CELF5: variants seen among roughly 807,000 people sequenced by gnomAD.
CELF5 encodes CUGBP Elav-like family member 5, also known as CUG-BP and ETR-3 like factor 5.
In CELF5, 6 loss-of-function variants were observed where a neutral mutation model predicts 54.9. The observed-to-expected ratio is 0.11, with a 90% confidence interval of 0.06 to 0.22. CELF5 has a LOEUF of 0.22. CELF5 is among the 10% of genes least tolerant of loss of function. CELF5 has a pLI of 1.00. For synonymous variants in CELF5, 271 were observed against 290.9 expected (o/e 0.93, Z 0.70); for missense variants, 401 against 678.6 (o/e 0.59, Z 4.54).
intron 4 of CELF5, among the ~76,000 whole-genome samples, chr19:3,277,444 C>A (rs1012004917): frequency 6.6e-6 from 1 of 152,190 alleles, no homozygotes. Flanking sequence ...TGCACTCTAG[C>A]CTGGGTGACG....
chr19:3,286,886 T>A (rs1195899663), intron 10 of CELF5: 3 of 150,432 alleles, frequency 2.0e-5, no homozygotes, highest in Admixed American at 1.3e-4. Context: ...ATAGAAAAAA[T>A]TAGCTGGGTG....
At chr19:3,286,210 C>T (rs966563626) in intron 10 of CELF5, 185 bp downstream of exon 10, 1 of 520,746 alleles carries the variant, frequency 1.9e-6, no homozygotes, top group African/African-American at 2.0e-5. Context: ...CTCTCTGTTT[C>T]CTCCTCCGAA....
intron 2 of CELF5, among the ~76,000 whole-genome samples, chr19:3,259,032 A>G (rs549834925): frequency 1.3e-5 from 2 of 152,226 alleles, no homozygotes; most frequent in African/African-American, 4.8e-5. Flanking sequence ...GCCTGCGTGG[A>G]CGATTTAGTG....
At chr19:3,249,813 T>C (rs2079623344) in intron 1 of CELF5, among the ~76,000 whole-genome samples, 1 of 152,234 alleles carries the variant, frequency 6.6e-6, no homozygotes, top group Non-Finnish European at 1.5e-5. Context: ...GCTACACTGC[T>C]GGTCAGTGGC....
intron 1 of CELF5, among the ~76,000 whole-genome samples, chr19:3,241,141 A>G (rs2079485269): frequency 6.7e-6 from 1 of 148,928 alleles, no homozygotes; most frequent in Non-Finnish European, 1.5e-5. Context: ...GGCTCACTGC[A>G]CCCACCAACT....
At chr19:3,256,964 C>T (rs77289609) in intron 2 of CELF5, among the ~76,000 whole-genome samples, 243 of 152,180 alleles carry the variant, frequency 1.6e-3, no homozygotes, top group African/African-American at 5.4e-3. Flanking sequence ...GCTCATGGTA[C>T]GTCCCACTAA....
chr19:3,226,841 G>A (rs1916951106), intron 1 of CELF5, among the ~76,000 whole-genome samples: 1 of 152,008 alleles, frequency 6.6e-6, no homozygotes, highest in South Asian at 2.1e-4. Flanking sequence ...GTGAAGGAGG[G>A]GCTGGGGCTG....
At chr19:3,291,932 CTTT>C (rs11350773) in intron 11 of CELF5, among the ~76,000 whole-genome samples, 8 of 151,584 alleles carry the variant, frequency 5.3e-5, no homozygotes, top group African/African-American at 1.9e-4. Flanking sequence ...GAACCAGACT[CTTT>C]TTTTTTGTTT....
chr19:3,253,136 AAC>A (rs1359982458), intron 2 of CELF5, among the ~76,000 whole-genome samples: 1 of 152,138 alleles, frequency 6.6e-6, no homozygotes, highest in African/African-American at 2.4e-5. Context: ...CCCACAACCG[AAC>A]AAAAAATCAA....
rs113184418 is a variant in CELF5 at position 3,280,414 on chromosome 19, T to A, written c.604-785T>A. Among the ~76,000 whole-genome samples, 1,427 of 144,876 alleles carry A rather than the reference T, an allele frequency of 9.8e-3. 24 individuals are homozygous for A. The highest frequency in any genetic ancestry group is 0.034 in the African/African-American group (1,355 of 39,788). On this transcript the variant is annotated intron_variant, in intron 5 of 12. Transcript: ENST00000292672. ...AGTGAAACCCCGTCTCTACTAAAAA[T>A]AAAAAAAAAAATTAGCTGGGCGTGA...
At chr19:3,249,791 G>T (rs564615284) in intron 1 of CELF5, among the ~76,000 whole-genome samples, 1 of 152,176 alleles carries the variant, frequency 6.6e-6, no homozygotes, top group Non-Finnish European at 1.5e-5. Flanking sequence ...GAGGGGGAGC[G>T]CATGATCCAA....
At chr19:3,244,814 A>T (rs967596467) in intron 1 of CELF5, among the ~76,000 whole-genome samples, 3 of 131,088 alleles carry the variant, frequency 2.3e-5, no homozygotes, top group Non-Finnish European at 4.8e-5. Flanking sequence ...TGTCTGGTAT[A>T]TGTGTGCGTA....
chr19:3,238,603 A>G (rs1405439823), intron 1 of CELF5, among the ~76,000 whole-genome samples: 1 of 152,070 alleles, frequency 6.6e-6, no homozygotes, highest in African/African-American at 2.4e-5. Flanking sequence ...CTGCTCCATC[A>G]TCTGTGCGTC....
chr19:3,239,450 C>T (rs979220761), intron 1 of CELF5, among the ~76,000 whole-genome samples: 11 of 151,634 alleles, frequency 7.3e-5, no homozygotes, highest in African/African-American at 9.7e-5. Context: ...TGCCCAGGCT[C>T]GTCTCAAACT....
In CELF5 at chr19:3,277,934, T is replaced by TG. The variant is rs147815300; in HGVS notation, c.524-95dup. The stretch of plus-strand genomic sequence containing the variant: ...CTCTCTGGCTGCATGTGTCTGACAC[T>TG]GGCCATGTAGGTCTCTGTGTCCCCT... On this transcript the variant is annotated intron_variant, in intron 4 of 12. Coordinates refer to ENST00000292672, the MANE Select transcript of CELF5 (RefSeq NM_021938.4). 5.7e-5 allele frequency: 49 copies of TG among 860,554 alleles called. No individual in the cohort carries two copies. In the African/African-American group the frequency reaches 7.1e-4, roughly 12 times the overall value. The allele number at this position is 860,554 out of a possible 1,614,324, so 53.3% of individuals were successfully genotyped here. A position where few individuals can be genotyped will look rare whatever the true frequency, so the allele number is the denominator to read the frequency against.
At chr19:3,256,179 A>G (rs1268676151) in intron 2 of CELF5, among the ~76,000 whole-genome samples, 5 of 151,992 alleles carry the variant, frequency 3.3e-5, no homozygotes, top group African/African-American at 1.2e-4. Flanking sequence ...GACACTGACG[A>G]CCCAGCCAGG....
chr19:3,230,420 T>C lies in CELF5; in HGVS notation c.259+5422T>C, dbSNP rs191903245. On this transcript the variant is annotated intron_variant, in intron 1 of 12. Transcript: ENST00000292672. ...GCATGAAACACAGCAGTGAACAAGA[T>C]AGGTACATGTCTTGACTTCCTGGAT... Among the ~76,000 whole-genome samples the C allele has an allele frequency of 3.2e-3, 481 of 152,278 alleles. 13 individuals carry two copies. The highest frequency in any genetic ancestry group is 0.028 in the Admixed American group (423 of 15,302).
chr19:3,286,514 A>C (rs548209806), intron 10 of CELF5: 1 of 154,224 alleles, frequency 6.5e-6, no homozygotes, highest in East Asian at 1.9e-4. Context: ...AGGTGGGAGG[A>C]TCACTTGAGC....
In CELF5 at chr19:3,281,309, A is replaced by G. The variant is rs957525965; in HGVS notation, c.714A>G (p.Thr238=). The change falls in exon 6 of 13, where the codon ACA becomes ACG. Residue 238 remains threonine (T), a synonymous_variant. Transcript: ENST00000292672. This position sits in a 1 kb window ranked among gnomAD's most constrained non-coding sequence, Gnocchi z 6.5. ...GQLGILTPSL[T]LPFSPYSAYA... ...TGGGCATCCTGACGCCGTCCCTCACATTGCCCTTCAGCCCCTACAGTGCCT... is the reference window on the plus strand; with the variant it reads ...TGGGCATCCTGACGCCGTCCCTCACGTTGCCCTTCAGCCCCTACAGTGCCT... 5 of 1,610,988 alleles carry G rather than the reference A, an allele frequency of 3.1e-6. No individual in the cohort carries two copies. Among genetic ancestry groups the G allele is most frequent in the Non-Finnish European group, 4.2e-6 (5 of 1,179,804 alleles).
Sources: gnomAD v4.1 joint callset for allele counts (sites outside exome capture counted in the v4.1 genomes callset) on GRCh38, gnomAD v4.1.1 for gene constraint, Gnocchi (gnomAD v3.1) non-coding constraint, MANE v1.5 for transcripts, NCBI Gene and HGNC (gene_info 2026-07-23, HGNC 2026-07-21) for gene names.